FTCDNL1: variants seen among roughly 807,000 people sequenced by gnomAD.
The protein encoded by FTCDNL1 is formiminotransferase N-terminal subdomain-containing protein.
In FTCDNL1, 11 loss-of-function variants were observed where a neutral mutation model predicts 5.9. The observed-to-expected ratio is 1.87, with a 90% CI of 1.18 to 3.10. FTCDNL1 has a LOEUF of 3.10. Ranked by LOEUF, FTCDNL1 falls within the 30% of genes most tolerant of loss-of-function variation. FTCDNL1 has a pLI of 0.00. For missense variants in FTCDNL1, 115 were observed against 65.5 expected, an observed-to-expected ratio of 1.76 and a Z score of -2.61; for synonymous variants, 58 against 24.8, an observed-to-expected ratio of 2.34 and a Z score of -3.99.
chr2:199,767,099 GAAGT>G lies in FTCDNL1; in HGVS notation c.212-6268_212-6265del, dbSNP rs371306398. Among the ~76,000 whole-genome samples the G allele has an allele frequency of 1.7e-4, 26 of 152,298 alleles. No individual in the cohort carries two copies. In the South Asian group the frequency reaches 3.5e-3, roughly 21 times the overall value. On this transcript the variant is annotated intron_variant, in intron 3 of 3. Coordinates refer to the FTCDNL1 transcript ENST00000416668. The stretch of plus-strand genomic sequence containing the variant: ...GATCAAGATGACAATGCCAGGGTGA[GAAGT>G]AAGAAGTTTATAAAATCAAAATGAT...
At chr2:199,742,897 A>G in the FTCDNL1 span, among the ~76,000 whole-genome samples, 1 of 152,234 alleles carries the variant, frequency 6.6e-6, no homozygotes, top group African/African-American at 2.4e-5. Context: ...TAGGAGGACC[A>G]CAAAGGAACT....
chr2:199,847,091 T>C (rs1392619123), intron 2 of FTCDNL1, among the ~76,000 whole-genome samples: 4 of 152,120 alleles, frequency 2.6e-5, no homozygotes, highest in Non-Finnish European at 5.9e-5. Flanking sequence ...CATATGTCAC[T>C]CACTCATGGC....
At chr2:199,796,038 C>G (rs1457517786) in intron 3 of FTCDNL1, among the ~76,000 whole-genome samples, 1 of 152,008 alleles carries the variant, frequency 6.6e-6, no homozygotes, top group Non-Finnish European at 1.5e-5. Context: ...CAGAGACAAT[C>G]TTTACATTCT....
intron 4 of FTCDNL1, among the ~76,000 whole-genome samples, chr2:199,815,986 C>T (rs1303670606): frequency 6.8e-5 from 10 of 146,884 alleles, no homozygotes; most frequent in Non-Finnish European, 7.5e-5. Context: ...GGTGACAGAG[C>T]GAGACTCCAT....
chr2:199,800,057 A>G (rs993945207), intron 3 of FTCDNL1, among the ~76,000 whole-genome samples: 10 of 152,202 alleles, frequency 6.6e-5, no homozygotes, highest in African/African-American at 2.2e-4. Flanking sequence ...TAATCACAGT[A>G]TAATCACTTT....
chr2:199,688,945 A>T, the FTCDNL1 span, among the ~76,000 whole-genome samples: 1 of 152,180 alleles, frequency 6.6e-6, no homozygotes, highest in African/African-American at 2.4e-5. Context: ...GCTACTCAGG[A>T]GGCTAAGGCA....
At chr2:199,711,282 C>T in the FTCDNL1 span, among the ~76,000 whole-genome samples, 2 of 140,224 alleles carry the variant, frequency 1.4e-5, no homozygotes, top group African/African-American at 5.5e-5. Flanking sequence ...CAACTCTTTG[C>T]TAAAGGATGA....
At chr2:199,705,254 G>C in the FTCDNL1 span, among the ~76,000 whole-genome samples, 1 of 152,178 alleles carries the variant, frequency 6.6e-6, no homozygotes, top group Non-Finnish European at 1.5e-5. Flanking sequence ...AAGAACATAA[G>C]TACTATGGGC....
the FTCDNL1 span, among the ~76,000 whole-genome samples, chr2:199,693,152 G>A: frequency 3.9e-5 from 6 of 152,210 alleles, no homozygotes; most frequent in African/African-American, 1.4e-4. Context: ...TACCAGATTA[G>A]ATACTGTCAA....
At chr2:199,736,060 T>G in the FTCDNL1 span, among the ~76,000 whole-genome samples, 1 of 152,202 alleles carries the variant, frequency 6.6e-6, no homozygotes. Flanking sequence ...TTGTGACTAT[T>G]GGGAAGTAAA....
chr2:199,783,012 T>C (rs768360293), intron 3 of FTCDNL1, among the ~76,000 whole-genome samples: 4 of 152,220 alleles, frequency 2.6e-5, no homozygotes, highest in Non-Finnish European at 5.9e-5. Flanking sequence ...TGACTGCCCA[T>C]CTCTACAGAT....
At chr2:199,771,698 G>T (rs1258626308) in intron 3 of FTCDNL1, among the ~76,000 whole-genome samples, 1 of 152,178 alleles carries the variant, frequency 6.6e-6, no homozygotes, top group Non-Finnish European at 1.5e-5. Context: ...CTAGGCAAAA[G>T]ATCATTTCCA....
intron 3 of FTCDNL1, among the ~76,000 whole-genome samples, chr2:199,828,049 T>C (rs1335094299): frequency 6.6e-6 from 1 of 152,134 alleles, no homozygotes; most frequent in East Asian, 1.9e-4. Context: ...TACAATACCC[T>C]CTTCATACTC....
chr2:199,739,953 T>C, the FTCDNL1 span, among the ~76,000 whole-genome samples: 1 of 152,122 alleles, frequency 6.6e-6, no homozygotes, highest in Non-Finnish European at 1.5e-5. Flanking sequence ...TTGCGAACTC[T>C]GGGAGCCGGG....
At chr2:199,758,090 G>C (rs1216056748), downstream of FTCDNL1, among the ~76,000 whole-genome samples, 1 of 152,104 alleles carries the variant, frequency 6.6e-6, no homozygotes, top group African/African-American at 2.4e-5. Flanking sequence ...CAGGGTGTGA[G>C]CTGGGGGTCC....
intron 3 of FTCDNL1, among the ~76,000 whole-genome samples, chr2:199,838,874 C>T (rs373995440): frequency 4.6e-5 from 7 of 152,272 alleles, no homozygotes; most frequent in East Asian, 3.9e-4. Context: ...ACAATCTAAA[C>T]GTTGAGATTT....
At chr2:199,724,288 A>C in the FTCDNL1 span, among the ~76,000 whole-genome samples, 1 of 151,646 alleles carries the variant, frequency 6.6e-6, no homozygotes, top group Non-Finnish European at 1.5e-5. Context: ...CTTTTTTATT[A>C]ATCTAGTTAG....
chr2:199,808,040 T>G (rs1386843266), downstream of FTCDNL1, among the ~76,000 whole-genome samples: 1 of 152,140 alleles, frequency 6.6e-6, no homozygotes, highest in Non-Finnish European at 1.5e-5. Context: ...TCTTGTGAGA[T>G]CTGGTCATTT....
At position 199,783,408 on chromosome 2, in the gene FTCDNL1, C is replaced by T. The variant is rs574595226; in HGVS notation, c.212-22573G>A. ...AATGACACCAATGTTAATAAGTTCT[C>T]GTATACATCTTTGGGTCTTTTGATC... On this transcript the variant is annotated intron_variant, in intron 3 of 3. Transcript: ENST00000416668. Among the ~76,000 whole-genome samples, 87 of 152,208 alleles carry T rather than the reference C, an allele frequency of 5.7e-4. 2 individuals carry two copies. Among genetic ancestry groups the T allele is most frequent in the African/African-American group, 2.0e-3 (82 of 41,524 alleles).
Sources: gnomAD v4.1 joint callset for allele counts (sites outside exome capture counted in the v4.1 genomes callset) on GRCh38, gnomAD v4.1.1 for gene constraint, MANE v1.5 for transcripts, NCBI Gene and HGNC (gene_info 2026-07-23, HGNC 2026-07-21) for gene names.